ITGA3: variants seen among roughly 807,000 people sequenced by gnomAD.
ITGA3 encodes integrin subunit alpha 3.
A neutral mutation model predicts 131.1 loss-of-function variants in ITGA3; 70 were observed. That is an observed-to-expected ratio of 0.53 (90% CI 0.44 to 0.65). The LOEUF is 0.65. Ranked by LOEUF, ITGA3 falls within the 30% of genes least tolerant of loss-of-function variation. The probability of loss-of-function intolerance (pLI) is 0.00; values close to 1 mark genes in which losing one functional copy is unlikely to be tolerated. For synonymous variants in ITGA3, 537 were observed against 571.6 expected, an observed-to-expected ratio of 0.94 and a Z score of 0.86; for missense variants, 1,098 against 1,388.6, an observed-to-expected ratio of 0.79 and a Z score of 3.33.
At position 50,090,438 on chromosome 17, in the gene ITGA3, A is replaced by T. The variant is rs1909667931; in HGVS notation, c.*1360A>T. 1 of 273,672 alleles carries T rather than the reference A, an allele frequency of 3.7e-6. No homozygotes were observed. Among genetic ancestry groups the T allele is most frequent in the African/African-American group, 2.2e-5 (1 of 45,234 alleles). 17.0% of individuals were successfully genotyped at this position (273,672 alleles called of 1,614,324 possible). On this transcript the variant is annotated 3_prime_UTR_variant, in exon 26 of 26. Coordinates refer to ENST00000320031, the MANE Select transcript of ITGA3 (RefSeq NM_002204.4). ...CTCCCCCTCCTTGTGCCTTCTTTGT[A>T]TATAGGCTTCTCACGGCGACCAATA...
Position 50,082,180 on chromosome 17 carries a change from G to T in ITGA3, c.2919+772G>T, listed in dbSNP as rs114356058. Among the ~76,000 whole-genome samples, 200 of 151,652 alleles carry T rather than the reference G, an allele frequency of 1.3e-3. 1 individual carries two copies. The highest frequency in any genetic ancestry group is 5.6e-3 in the East Asian group (29 of 5,142). On this transcript the variant is annotated intron_variant, in intron 23 of 25. Coordinates refer to ENST00000320031, the MANE Select transcript of ITGA3 (RefSeq NM_002204.4). ...TTTATTTCTTTATTCATGTATTTATGTATTTATTTATTTATTTATTTTTTG... is the reference window on the plus strand; with the variant it reads ...TTTATTTCTTTATTCATGTATTTATTTATTTATTTATTTATTTATTTTTTG...
chr17:50,057,970 C>T (rs1478717194), intron 1 of ITGA3, among the ~76,000 whole-genome samples: 1 of 152,234 alleles, frequency 6.6e-6, no homozygotes, highest in Non-Finnish European at 1.5e-5. Context: ...CTTAGCCAAC[C>T]CTCTATCTTT....
At chr17:50,063,510 AT>A (rs1207698330) in intron 1 of ITGA3, 1 of 153,274 alleles carries the variant, frequency 6.5e-6, no homozygotes, top group African/African-American at 2.4e-5. Flanking sequence ...AGGATTCCTC[AT>A]CTTGCTCTCT....
At position 50,079,072 on chromosome 17, in the gene ITGA3, A is replaced by C. The variant is rs946551668; in HGVS notation, c.2401-4A>C. The C allele has an allele frequency of 1.2e-6, 2 of 1,613,258 alleles. No homozygotes were observed. On this transcript the variant is annotated splice_region_variant and splice_polypyrimidine_tract_variant and intron_variant, in intron 19 of 25. Transcript: ENST00000320031. ...AATGACTATGACACATCTTGTGCCC[A>C]CAGGTGGGCCCAATGGGGGAGGGGC...
At chr17:50,063,233 C>T (rs2144261896) in intron 1 of ITGA3, among the ~76,000 whole-genome samples, 1 of 152,160 alleles carries the variant, frequency 6.6e-6, no homozygotes, top group East Asian at 1.9e-4. Flanking sequence ...AGGCAAGAGC[C>T]CTTTCCCTCC....
At chr17:50,081,109 G>A in intron 22 of ITGA3, 2 of 558,188 alleles carry the variant, frequency 3.6e-6, no homozygotes, top group Non-Finnish European at 6.4e-6. Context: ...TCCAGCACAG[G>A]ACCTGACGCA....
rs61730092 is a variant in ITGA3 at position 50,087,861 on chromosome 17, C to A, written c.3037C>A (p.Leu1013Met). The change falls in exon 24 of 26, where the codon CTG (leucine) becomes ATG (methionine). Residue 1013 changes from leucine to methionine, a missense_variant. This residue lies in a region of ITGA3 where 699 missense variants were observed against 829.2 expected (regional missense o/e 0.84). Coordinates refer to ENST00000320031, the MANE Select transcript of ITGA3 (RefSeq NM_002204.4). ...LLLLGLIILL[L>M]WKCGFFKRAR... ...GCTGCTGGGGCTGATCATCCTCCTG[C>A]TGTGGAAGGTTAGTAGCCCAGCCCA... The A allele has an allele frequency of 6.3e-7, 1 of 1,590,862 alleles. No homozygotes were observed. The highest frequency in any genetic ancestry group is 1.8e-5 in the Admixed American group (1 of 56,298).
rs760388490 is a variant in ITGA3, at chr17:50,087,853, T to C, written c.3029T>C (p.Ile1010Thr). The C allele has an allele frequency of 3.1e-6, 5 of 1,597,310 alleles. No individual in the cohort carries two copies. Among genetic ancestry groups the C allele is most frequent in the Non-Finnish European group, 4.3e-6 (5 of 1,171,682 alleles). Residue 1010 changes from isoleucine (I) to threonine (T), a missense_variant, in exon 24 of 26, where the codon ATC (isoleucine) becomes ACC (threonine). Physicochemically the swap from Ile to Thr is moderately conservative, Grantham distance 89 (BLOSUM62 -1). Transcript: ENST00000320031. The stretch of plus-strand genomic sequence containing the variant: ...GGGCTGCTGCTGCTGGGGCTGATCA[T>C]CCTCCTGCTGTGGAAGGTTAGTAGC... ...GAGLLLLGLIILLLWKCGFFK... is the reference protein window; with the variant it reads ...GAGLLLLGLITLLLWKCGFFK...
intron 3 of ITGA3, 95 bp from the exon 4 acceptor site, chr17:50,067,961 C>A: frequency 6.6e-7 from 1 of 1,519,956 alleles, no homozygotes; most frequent in South Asian, 1.2e-5. Flanking sequence ...CCTTTGACTC[C>A]TGTTTGGCAA....
rs73330539 is a variant in ITGA3 at position 50,071,092 on chromosome 17, A to C, written c.751+162A>C. Reference sequence around the variant, plus strand: ...ATGCCAGGCCCTGTTCCAAGCTCCCAAGATGCAAAGTTCTTGACTTCAGGA... The same window carrying C: ...ATGCCAGGCCCTGTTCCAAGCTCCCCAGATGCAAAGTTCTTGACTTCAGGA... On this transcript the variant is annotated intron_variant, in intron 5 of 25. Transcript: ENST00000320031. 0.057 allele frequency among the ~76,000 whole-genome samples: 8,616 copies of C among 152,280 alleles called. 762 individuals carry two copies. Among genetic ancestry groups the C allele is most frequent in the African/African-American group, 0.2 (8,168 of 41,516 alleles).
Position 50,075,440 on chromosome 17 carries a change from C to T in ITGA3, c.1470-19C>T. ...GTGTGTCCCACTGTGACCCGCCCTC[C>T]TGTACATCCCTCCAACAGTGTGCAA... is the stretch of plus-strand genomic sequence containing the variant. On this transcript the variant is annotated intron_variant, in intron 10 of 25. Transcript: ENST00000320031. 1 of 1,614,032 alleles carries T rather than the reference C, an allele frequency of 6.2e-7. No homozygotes were observed. Among genetic ancestry groups the T allele is most frequent in the East Asian group, 2.2e-5 (1 of 44,888 alleles).
intron 20 of ITGA3, 29 bp from the exon 21 acceptor site, chr17:50,079,406 T>G: frequency 6.5e-7 from 1 of 1,547,846 alleles, no homozygotes; most frequent in Non-Finnish European, 8.7e-7. Flanking sequence ...TCCTCTGCCC[T>G]GCCAGCAAAT....
chr17:50,077,830 A>T (rs1176433701), intron 16 of ITGA3, among the ~76,000 whole-genome samples: 1 of 152,194 alleles, frequency 6.6e-6, no homozygotes, highest in African/African-American at 2.4e-5. Context: ...GCTCAAGGTT[A>T]TGTAGCTCAA....
chr17:50,069,387 C>G (rs999857005), intron 4 of ITGA3, among the ~76,000 whole-genome samples: 1 of 152,128 alleles, frequency 6.6e-6, no homozygotes, highest in African/African-American at 2.4e-5. Flanking sequence ...TAGTTATCGC[C>G]AGGTGCAGTG....
At chr17:50,060,479 T>C (rs1447288152) in intron 1 of ITGA3, among the ~76,000 whole-genome samples, 1 of 152,164 alleles carries the variant, frequency 6.6e-6, no homozygotes, top group Admixed American at 6.5e-5. Context: ...TTCCATTAGC[T>C]CTGAACTGCC....
Position 50,077,129 on chromosome 17 carries a change from C to A in ITGA3, c.2070+8C>A. The A allele has an allele frequency of 6.5e-7, 1 of 1,531,324 alleles. No homozygotes were observed. Among genetic ancestry groups the A allele is most frequent in the Non-Finnish European group, 8.8e-7 (1 of 1,132,414 alleles). 94.9% of individuals were successfully genotyped at this position (1,531,324 alleles called of 1,614,324 possible). ...CTGTCCTCAGTGCGCCCCGTGAGTG[C>A]CCGCCGGCCGGCTCAGAGCCCAAGC... On this transcript the variant is annotated splice_region_variant and intron_variant, in intron 15 of 25. Coordinates refer to ENST00000320031, the MANE Select transcript of ITGA3 (RefSeq NM_002204.4).
chr17:50,086,477 T>G (rs1909435989), intron 23 of ITGA3: 1 of 149,810 alleles, frequency 6.7e-6, no homozygotes. Flanking sequence ...TCACCTGAGT[T>G]CAGGAGTTTG....
chr17:50,077,182 TA>T, intron 15 of ITGA3, 61 bp downstream of exon 15: 3 of 1,476,856 alleles, frequency 2.0e-6, no homozygotes, highest in Non-Finnish European at 2.7e-6. Context: ...TGCATCCCCA[TA>T]TCCATGTCCT....
intron 6 of ITGA3, 45 bp from the exon 7 acceptor site, chr17:50,071,940 AT>A: frequency 2.6e-6 from 4 of 1,542,108 alleles, no homozygotes; most frequent in Non-Finnish European, 3.6e-6. Flanking sequence ...TATGCTGCAT[AT>A]TGGAGGCTGA....
Sources: gnomAD v4.1 joint callset for allele counts (sites outside exome capture counted in the v4.1 genomes callset) on GRCh38, gnomAD v4.1.1 for gene constraint, gnomAD v4.1.1 regional missense constraint, MANE v1.5 for transcripts, NCBI Gene and HGNC (gene_info 2026-07-23, HGNC 2026-07-21) for gene names.